The following SGCZ variants were observed in gnomAD, a reference collection of about 807,000 sequenced individuals.
SGCZ encodes the protein zeta-sarcoglycan.
Under a neutral mutation model 41.3 loss-of-function variants are expected in SGCZ, and 40 were observed. That is an observed-to-expected ratio of 0.97 (90% CI 0.75 to 1.26). SGCZ has a LOEUF of 1.26. Among genes scored for constraint, SGCZ ranks in the 50% most tolerant of loss-of-function variants. The pLI, the probability that SGCZ is intolerant of heterozygous loss-of-function variation, is 0.00. For synonymous variants in SGCZ, 206 were observed against 137.5 expected (o/e 1.50, Z -3.49); for missense variants, 552 against 369.8 (o/e 1.49, Z -4.04).
At chr8:14,851,177 GGCTAACATA>G (rs1452382249) in intron 1 of SGCZ, among the ~76,000 whole-genome samples, 4 of 151,934 alleles carry the variant, frequency 2.6e-5, no homozygotes, top group Admixed American at 2.6e-4. Context: ...AGGCCATCCT[GGCTAACATA>G]GTGAAACGCT....
At chr8:14,417,625 G>T (rs889147490) in intron 2 of SGCZ, among the ~76,000 whole-genome samples, 5 of 151,430 alleles carry the variant, frequency 3.3e-5, no homozygotes, top group Admixed American at 6.6e-5. Context: ...ACAATATTTT[G>T]AATAAACATA....
Position 14,472,276 on chromosome 8 carries a change from A to G in SGCZ, c.234+82456T>C, listed in dbSNP as rs551194005. Among the ~76,000 whole-genome samples, 18 of 152,240 alleles carry G rather than the reference A, an allele frequency of 1.2e-4. No homozygotes were observed. In the South Asian group the frequency reaches 3.7e-3, roughly 32 times the overall value. On this transcript the variant is annotated intron_variant, in intron 2 of 7. Transcript: ENST00000382080. ...TTAATATCTTTATTTAAAGGTAAAT[A>G]AGGTTTAATTAAAGGCTTATATTTT...
At chr8:14,144,665 C>T (rs1288820202) in intron 5 of SGCZ, among the ~76,000 whole-genome samples, 1 of 152,092 alleles carries the variant, frequency 6.6e-6, no homozygotes, top group African/African-American at 2.4e-5. Context: ...GTGTAGAGCA[C>T]CAAGCAGGCT....
At chr8:14,888,991 C>G (rs1161800008) in intron 1 of SGCZ, among the ~76,000 whole-genome samples, 4 of 152,092 alleles carry the variant, frequency 2.6e-5, no homozygotes, top group Non-Finnish European at 5.9e-5. Context: ...GCACATTTGC[C>G]AATTTTCAAA....
chr8:14,106,015 G>GA (rs143544221), intron 6 of SGCZ, among the ~76,000 whole-genome samples: 2,553 of 152,160 alleles, frequency 0.017, 75 homozygotes, highest in African/African-American at 0.057. Flanking sequence ...AAACACAGAT[G>GA]AAAAAAATTG....
intron 1 of SGCZ, among the ~76,000 whole-genome samples, chr8:14,847,213 T>C (rs1803162389): frequency 6.7e-6 from 1 of 148,870 alleles, no homozygotes; most frequent in Non-Finnish European, 1.5e-5. Context: ...TACAAAAACT[T>C]TTCAAGACAT....
chr8:14,827,745 T>A (rs531758430), intron 1 of SGCZ, among the ~76,000 whole-genome samples: 1 of 152,288 alleles, frequency 6.6e-6, no homozygotes, highest in Admixed American at 6.5e-5. Flanking sequence ...AATGACAGAA[T>A]ATAAGTCATC....
At chr8:14,260,986 T>C (rs1033760965) in intron 3 of SGCZ, among the ~76,000 whole-genome samples, 14 of 152,104 alleles carry the variant, frequency 9.2e-5, no homozygotes, top group Admixed American at 8.5e-4. Flanking sequence ...TTGGGAGATA[T>C]ACCTAACGCT....
At chr8:15,122,855 C>T (rs1328813419) in intron 1 of SGCZ, among the ~76,000 whole-genome samples, 1 of 152,150 alleles carries the variant, frequency 6.6e-6, no homozygotes, top group Non-Finnish European at 1.5e-5. Context: ...TTTCAGTCCA[C>T]TGAAAACCAA....
chr8:14,125,599 G>A (rs779839482), intron 5 of SGCZ, among the ~76,000 whole-genome samples: 13 of 151,658 alleles, frequency 8.6e-5, no homozygotes, highest in Non-Finnish European at 1.8e-4. Context: ...AAACTACAAT[G>A]GACATTCTTC....
At chr8:14,613,132 T>C (rs551860568) in intron 1 of SGCZ, among the ~76,000 whole-genome samples, 22 of 152,308 alleles carry the variant, frequency 1.4e-4, no homozygotes, top group African/African-American at 5.3e-4. Flanking sequence ...AGAGTGAACC[T>C]GCTGGGAGGG....
chr8:14,432,785 G>A (rs1055411776), intron 2 of SGCZ, among the ~76,000 whole-genome samples: 2 of 151,740 alleles, frequency 1.3e-5, no homozygotes, highest in Non-Finnish European at 2.9e-5. Context: ...GTGGTGGAGG[G>A]CAACTGCAGT....
At chr8:15,017,774 G>T (rs938374305) in intron 1 of SGCZ, among the ~76,000 whole-genome samples, 1 of 152,272 alleles carries the variant, frequency 6.6e-6, no homozygotes, top group South Asian at 2.1e-4. Flanking sequence ...TCAAAGTGCT[G>T]GGATTTCAGG....
chr8:15,017,073 G>A (rs990871223), intron 1 of SGCZ, among the ~76,000 whole-genome samples: 2 of 152,076 alleles, frequency 1.3e-5, no homozygotes, highest in Non-Finnish European at 2.9e-5. Flanking sequence ...ACTTGGAGGG[G>A]ACAAACATCC....
intron 1 of SGCZ, among the ~76,000 whole-genome samples, chr8:14,633,285 G>A (rs574314781): frequency 6.6e-6 from 1 of 152,044 alleles, no homozygotes; most frequent in Admixed American, 6.6e-5. Flanking sequence ...TCTGGAGAGG[G>A]ACATAATGAG....
chr8:14,551,500 A>ATATAT (rs1803828428), intron 2 of SGCZ, among the ~76,000 whole-genome samples: 1 of 1,954 alleles, frequency 5.1e-4, no homozygotes, highest in Non-Finnish European at 1.3e-3. Flanking sequence ...TATATATATT[A>ATATAT]TATATATTAT....
intron 1 of SGCZ, among the ~76,000 whole-genome samples, chr8:14,684,021 G>A (rs1808528785): frequency 6.6e-6 from 1 of 152,082 alleles, no homozygotes; most frequent in East Asian, 1.9e-4. Context: ...CTTTCTCAGT[G>A]ATATATAAAA....
At chr8:14,731,940 A>T (rs549657135) in intron 1 of SGCZ, among the ~76,000 whole-genome samples, 42 of 152,098 alleles carry the variant, frequency 2.8e-4, no homozygotes, top group Non-Finnish European at 5.1e-4. Flanking sequence ...CTATCACAAG[A>T]CTCTTCCAGT....
intron 3 of SGCZ, among the ~76,000 whole-genome samples, chr8:14,267,219 A>T (rs990697300): frequency 5.3e-5 from 8 of 152,068 alleles, no homozygotes; most frequent in African/African-American, 1.9e-4. Context: ...ATACTGGGGT[A>T]TGTATATCCA....
Sources: gnomAD v4.1 joint callset for allele counts (sites outside exome capture counted in the v4.1 genomes callset) on GRCh38, gnomAD v4.1.1 for gene constraint, MANE v1.5 for transcripts, NCBI Gene and HGNC (gene_info 2026-07-23, HGNC 2026-07-21) for gene names.